The following UBASH3A variants were observed in gnomAD, a reference collection of about 807,000 sequenced individuals.
UBASH3A encodes the protein ubiquitin-associated and SH3 domain-containing protein A.
A neutral mutation model predicts 73.5 loss-of-function variants in UBASH3A; 63 were observed. The observed-to-expected ratio is 0.86, with a 90% CI of 0.70 to 1.06. UBASH3A has a LOEUF of 1.06. UBASH3A is among the 50% of genes least tolerant of loss of function. The pLI is 0.00. For synonymous variants in UBASH3A, 363 were observed against 351.1 expected, an observed-to-expected ratio of 1.03 and a Z score of -0.38; for missense variants, 860 against 859.0, an observed-to-expected ratio of 1.00 and a Z score of -0.02.
intron 2 of UBASH3A, among the ~76,000 whole-genome samples, chr21:42,407,265 C>G (rs1004879780): frequency 2.0e-5 from 3 of 152,132 alleles, no homozygotes; most frequent in Non-Finnish European, 4.4e-5. Flanking sequence ...AAAACCAGGT[C>G]CTGGGAGGCT....
intron 9 of UBASH3A, among the ~76,000 whole-genome samples, chr21:42,434,391 A>G (rs1023298874): frequency 1.3e-5 from 2 of 152,186 alleles, no homozygotes; most frequent in Non-Finnish European, 2.9e-5. Context: ...AGAATGCACA[A>G]CACAGGCATC....
At chr21:42,424,754 G>T (rs999031227) in intron 7 of UBASH3A, among the ~76,000 whole-genome samples, 5 of 152,196 alleles carry the variant, frequency 3.3e-5, no homozygotes, top group African/African-American at 1.2e-4. Context: ...ATATGTGGAG[G>T]TCCTGACCCC....
intron 14 of UBASH3A, 95 bp downstream of exon 14, chr21:42,444,738 C>T (rs755433604): frequency 1.4e-4 from 156 of 1,076,954 alleles, no homozygotes; most frequent in Middle Eastern, 4.0e-4. Flanking sequence ...AACAAGTGTC[C>T]GGCTGACCCA....
At chr21:42,445,673 G>A (rs1222978822) in intron 14 of UBASH3A, among the ~76,000 whole-genome samples, 3 of 152,222 alleles carry the variant, frequency 2.0e-5, no homozygotes, top group Non-Finnish European at 4.4e-5. Flanking sequence ...TCAGCAATTA[G>A]GCATCAGACA....
At chr21:42,407,779 G>A (rs2053007586) in intron 2 of UBASH3A, among the ~76,000 whole-genome samples, 1 of 152,200 alleles carries the variant, frequency 6.6e-6, no homozygotes, top group African/African-American at 2.4e-5. Flanking sequence ...GAAATGCAAG[G>A]AGCCTAAAGA....
At chr21:42,419,879 C>G (rs1365558033) in intron 7 of UBASH3A, among the ~76,000 whole-genome samples, 9 of 152,174 alleles carry the variant, frequency 5.9e-5, no homozygotes, top group Admixed American at 5.9e-4. Flanking sequence ...TTAGATTATT[C>G]CGCCCTATCA....
At position 42,405,989 on chromosome 21, in the gene UBASH3A, G is replaced by GA. The variant is rs1179880331; in HGVS notation, c.114-319_114-318insA. 2.5e-3 allele frequency among the ~76,000 whole-genome samples: 375 copies of GA among 149,552 alleles called. 7 individuals are homozygous for GA. Among genetic ancestry groups the GA allele is most frequent in the Non-Finnish European group, 4.5e-3 (302 of 67,692 alleles). On this transcript the variant is annotated intron_variant, in intron 1 of 14. Coordinates refer to ENST00000319294, the MANE Select transcript of UBASH3A (RefSeq NM_018961.4). ...GTCCATTTGATCTAGGCAGTGGGGG[G>GA]GGGGGGGGCAGGCCAGGGAGAGGGA...
chr21:42,427,861 C>T (rs569174384), intron 8 of UBASH3A, among the ~76,000 whole-genome samples: 48 of 152,324 alleles, frequency 3.2e-4, no homozygotes, highest in African/African-American at 1.1e-3. Flanking sequence ...CAGTGGCTCA[C>T]CCTAAGGTCA....
At chr21:42,445,731 A>G (rs531904360) in intron 14 of UBASH3A, among the ~76,000 whole-genome samples, 1 of 152,312 alleles carries the variant, frequency 6.6e-6, no homozygotes, top group African/African-American at 2.4e-5. Flanking sequence ...CTGAGTAGAA[A>G]CATGCTTCCC....
At chr21:42,442,699 G>A (rs183202287) in intron 12 of UBASH3A, 103 bp downstream of exon 12, 1 of 1,298,002 alleles carries the variant, frequency 7.7e-7, no homozygotes, top group East Asian at 2.3e-5. Flanking sequence ...TATTCAAGAG[G>A]GACCACTGCA....
intron 6 of UBASH3A, chr21:42,417,419 C>CAAAAA (rs71190423): frequency 4.8e-4 from 36 of 74,278 alleles, no homozygotes; most frequent in African/African-American, 1.2e-3. Flanking sequence ...GCGAGACTGG[C>CAAAAA]AAAAAAAAAA....
Position 42,444,615 on chromosome 21 carries a change from G to A in UBASH3A, c.1820G>A (p.Cys607Tyr). 1 of 1,614,234 alleles carries A rather than the reference G, an allele frequency of 6.2e-7. No individual in the cohort carries two copies. The highest frequency in any genetic ancestry group is 8.5e-7 in the Non-Finnish European group (1 of 1,180,032). The change falls in exon 14 of 15, where the codon TGT becomes TAT. Residue 607 changes from cysteine (C) to tyrosine (Y), a missense_variant. Transcript: ENST00000319294. Reference protein sequence around the residue: ...RPLLGLPPRECGDFAQLVRKI... With the variant: ...RPLLGLPPREYGDFAQLVRKI... Reference sequence around the variant, plus strand: ...CTGCTCGGGCTGCCGCCCCGGGAATGTGGGGATTTTGCCCAACTCGTGAGA... The same window carrying A: ...CTGCTCGGGCTGCCGCCCCGGGAATATGGGGATTTTGCCCAACTCGTGAGA...
Position 42,443,388 on chromosome 21 carries a change from G to T in UBASH3A, c.1708G>T (p.Val570Leu), listed in dbSNP as rs146744279. Residue 570 changes from valine (V) to leucine (L), a missense_variant, in exon 13 of 15, where the codon GTG (valine) becomes TTG (leucine). By Grantham distance (32) the Val-to-Leu change is conservative (BLOSUM62 1). Coordinates refer to ENST00000319294, the MANE Select transcript of UBASH3A (RefSeq NM_018961.4). ...CATGGACAGGTGCACGGCGAGCATG[G>T]TGCAAATCGTCAACACCTGTCCACA... is the stretch of plus-strand genomic sequence containing the variant. ...EYMDRCTASM[V>L]QIVNTCPQDT... 1.1e-5 allele frequency: 18 copies of T among 1,612,712 alleles called. No individual in the cohort carries two copies. The highest frequency in any genetic ancestry group is 1.5e-5 in the Non-Finnish European group (18 of 1,179,354).
chr21:42,411,127 A>G (rs1041027873), intron 3 of UBASH3A, among the ~76,000 whole-genome samples: 1 of 150,898 alleles, frequency 6.6e-6, no homozygotes, highest in Non-Finnish European at 1.5e-5. Context: ...AGACACAGAG[A>G]CGTACACAGC....
chr21:42,410,442 G>A, intron 3 of UBASH3A: 1 of 500,466 alleles, frequency 2.0e-6, no homozygotes, highest in Non-Finnish European at 3.5e-6. Context: ...CTCGGTGCTG[G>A]ATGGAAAGGA....
chr21:42,440,100 C>T (rs933233947), intron 11 of UBASH3A, among the ~76,000 whole-genome samples: 1 of 152,044 alleles, frequency 6.6e-6, no homozygotes, highest in Non-Finnish European at 1.5e-5. Context: ...GAGGAGGAGG[C>T]TGTGATCTTT....
intron 11 of UBASH3A, 37 bp from the exon 12 acceptor site, chr21:42,442,415 T>A: frequency 1.2e-6 from 2 of 1,606,434 alleles, no homozygotes; most frequent in Non-Finnish European, 1.7e-6. Flanking sequence ...AGGGTGGATG[T>A]TGAGGATGAT....
intron 9 of UBASH3A, among the ~76,000 whole-genome samples, chr21:42,432,673 A>G (rs926531352): frequency 6.6e-6 from 1 of 152,242 alleles, no homozygotes; most frequent in East Asian, 1.9e-4. Flanking sequence ...CATTGAATGT[A>G]GTGACAAAAT....
Position 42,409,485 on chromosome 21 carries a change from C to G in UBASH3A, c.231C>G (p.Phe77Leu), listed in dbSNP as rs2053046629. Reference sequence around the variant, plus strand: ...CCATCCCCCAGGAGTATGCCCTTTTCCTCTGTCCAACGGGGCCCCTGCTGG... The same window carrying G: ...CCATCCCCCAGGAGTATGCCCTTTTGCTCTGTCCAACGGGGCCCCTGCTGG... ...DDPIPQEYAL[F>L]LCPTGPLLEK... Residue 77 changes from phenylalanine to leucine, a missense_variant, in exon 3 of 15, where the codon TTC (phenylalanine) becomes TTG (leucine). Phe to Leu is a conservative substitution (Grantham distance 22, BLOSUM62 0). Coordinates refer to ENST00000319294, the MANE Select transcript of UBASH3A (RefSeq NM_018961.4). 1 of 1,613,970 alleles carries G rather than the reference C, an allele frequency of 6.2e-7. No individual in the cohort carries two copies. Among genetic ancestry groups the G allele is most frequent in the African/African-American group, 1.3e-5 (1 of 74,890 alleles).
Sources: gnomAD v4.1 joint callset for allele counts (sites outside exome capture counted in the v4.1 genomes callset) on GRCh38, gnomAD v4.1.1 for gene constraint, MANE v1.5 for transcripts, NCBI Gene and HGNC (gene_info 2026-07-23, HGNC 2026-07-21) for gene names.